Variants in VPS50 observed in about 807,000 individuals in gnomAD.
VPS50 encodes VPS50 subunit of EARP/GARPII complex.
VPS50 carries 70 observed loss-of-function variants against 139.7 expected under a neutral mutation model. That is an observed-to-expected ratio of 0.50 (90% CI 0.41 to 0.61). The LOEUF (loss-of-function observed/expected upper bound fraction) is 0.61, where lower values mean the gene tolerates loss of function less well. Ranked by LOEUF, VPS50 falls within the 20% of genes least tolerant of loss-of-function variation. The pLI, the probability that VPS50 is intolerant of heterozygous loss-of-function variation, is 0.00. For missense variants in VPS50, 921 were observed against 1,133.7 expected (o/e 0.81, Z 2.69); for synonymous variants, 365 against 376.7 (o/e 0.97, Z 0.36).
chr7:93,250,629 C>T (rs1000600758), intron 2 of VPS50, among the ~76,000 whole-genome samples: 2 of 152,110 alleles, frequency 1.3e-5, no homozygotes, highest in Admixed American at 1.3e-4. Flanking sequence ...AGGACATAGG[C>T]ATGGGCAAAG....
At chr7:93,251,408 A>G (rs1395330483) in intron 2 of VPS50, among the ~76,000 whole-genome samples, 1 of 152,098 alleles carries the variant, frequency 6.6e-6, no homozygotes, top group Non-Finnish European at 1.5e-5. Context: ...CGTCATTCAC[A>G]GCAAACTAAC....
intron 17 of VPS50, among the ~76,000 whole-genome samples, chr7:93,305,607 C>G (rs935009967): frequency 6.6e-6 from 1 of 151,808 alleles, no homozygotes; most frequent in Non-Finnish European, 1.5e-5. Context: ...GCAGATGATA[C>G]TGTTTTAAGT....
chr7:93,252,717 G>C lies in VPS50; in HGVS notation c.167G>C (p.Ser56Thr), dbSNP rs1795372427. 6.3e-7 allele frequency: 1 copy of C among 1,587,630 alleles called. No individual in the cohort carries two copies. Among genetic ancestry groups the C allele is most frequent in the East Asian group, 2.2e-5 (1 of 44,474 alleles). The change falls in exon 3 of 28, where the codon AGT (serine) becomes ACT (threonine). Residue 56 changes from serine to threonine, a missense_variant. Physicochemically the swap from Ser to Thr is moderately conservative, Grantham distance 58. Around this residue, in one of 3 missense-constraint regions of VPS50, gnomAD observed 744 missense variants for 930.6 expected, o/e 0.80. Transcript: ENST00000305866. ...CAAGCTGAACAAGAGCTTATTAATA[G>C]TATTGAACAAGTATATTTTTCTGTG... Reference protein sequence around the residue: ...DPQAEQELINSIEQVYFSVDS... With the variant: ...DPQAEQELINTIEQVYFSVDS...
intron 16 of VPS50, among the ~76,000 whole-genome samples, chr7:93,300,115 CTT>C (rs1448904678): frequency 1.3e-5 from 2 of 152,046 alleles, no homozygotes; most frequent in East Asian, 3.9e-4. Context: ...TAAAGCCAAA[CTT>C]AATGAGCTGA....
chr7:93,334,532 G>A (rs1798022850), intron 22 of VPS50, among the ~76,000 whole-genome samples: 1 of 152,196 alleles, frequency 6.6e-6, no homozygotes, highest in African/African-American at 2.4e-5. Flanking sequence ...AGAGAGAAAA[G>A]TCTTTAAATT....
intron 12 of VPS50, 22 bp downstream of exon 12, chr7:93,276,327 A>C (rs1205975019): frequency 1.9e-6 from 3 of 1,587,376 alleles, no homozygotes; most frequent in African/African-American, 1.3e-5. Flanking sequence ...CTTAATTACT[A>C]TTCATATATC....
intron 12 of VPS50, among the ~76,000 whole-genome samples, chr7:93,278,446 T>A (rs1352714687): frequency 1.4e-5 from 2 of 147,956 alleles, no homozygotes; most frequent in African/African-American, 5.0e-5. Flanking sequence ...AAAAAAAAAA[T>A]ATTAGCTGGG....
Position 93,272,667 on chromosome 7 carries a change from C to A in VPS50, c.735C>A (p.Cys245Ter). 1 of 1,571,360 alleles carries A rather than the reference C, an allele frequency of 6.4e-7. No homozygotes were observed. The highest frequency in any genetic ancestry group is 8.7e-7 in the Non-Finnish European group (1 of 1,150,896). ...EQLDVALSKI[C>*]KNFDINHYTK... ...TGGACGTAGCTCTTTCCAAAATCTGCAAGAATTTTGACATTAACCATTATA... is the reference window on the plus strand; with the variant it reads ...TGGACGTAGCTCTTTCCAAAATCTGAAAGAATTTTGACATTAACCATTATA... The change falls in exon 11 of 28, where the codon TGC becomes TGA. Residue 245 changes from cysteine to a stop codon, truncating the protein, a stop_gained. Coordinates refer to ENST00000305866, the MANE Select transcript of VPS50 (RefSeq NM_017667.4). LOFTEE classifies it high-confidence loss of function.
intron 14 of VPS50, 91 bp from the exon 15 acceptor site, chr7:93,296,651 C>A (rs1477138085): frequency 3.3e-6 from 5 of 1,511,948 alleles, no homozygotes; most frequent in Non-Finnish European, 4.4e-6. Flanking sequence ...ATTCCTGTCT[C>A]ATTTTAATCT....
rs747224082 is a variant in VPS50 at position 93,305,957 on chromosome 7, G to T, written c.1582G>T (p.Ala528Ser). Residue 528 changes from alanine to serine, a missense_variant, in exon 18 of 28, where the codon GCC becomes TCC. Physicochemically the swap from Ala to Ser is moderately conservative, Grantham distance 99. Coordinates refer to ENST00000305866, the MANE Select transcript of VPS50 (RefSeq NM_017667.4). ...CSGGNPFEIQ[A>S]NHKDEETEDV... ...TGGTGGGAATCCATTTGAAATTCAG[G>T]CCAACCACAAAGATGAAGAAACAGA... 7 of 1,612,418 alleles carry T rather than the reference G, an allele frequency of 4.3e-6. No homozygotes were observed. Among genetic ancestry groups the T allele is most frequent in the Non-Finnish European group, 3.4e-6 (4 of 1,178,764 alleles).
intron 3 of VPS50, among the ~76,000 whole-genome samples, 199 bp from the exon 4 acceptor site, chr7:93,253,661 G>T (rs777963616): frequency 6.6e-6 from 1 of 152,164 alleles, no homozygotes; most frequent in Non-Finnish European, 1.5e-5. Flanking sequence ...GAACCAGAGG[G>T]CTGTGTACTA....
intron 21 of VPS50, among the ~76,000 whole-genome samples, chr7:93,324,119 G>A (rs1231092582): frequency 1.3e-5 from 2 of 152,164 alleles, no homozygotes; most frequent in Non-Finnish European, 2.9e-5. Context: ...AGATAATGAT[G>A]TATAAGAATG....
chr7:93,313,080 T>G (rs1227583476), intron 20 of VPS50, among the ~76,000 whole-genome samples: 1 of 152,228 alleles, frequency 6.6e-6, no homozygotes, highest in African/African-American at 2.4e-5. Context: ...CATTCTAAGA[T>G]GTAGGTTGAA....
chr7:93,303,818 AT>A (rs142199940), intron 17 of VPS50, among the ~76,000 whole-genome samples: 6,517 of 151,812 alleles, frequency 0.043, 341 homozygotes, highest in African/African-American at 0.13. Context: ...TTAAAATGAT[AT>A]TTTTTGTTTG....
At chr7:93,336,679 A>G (rs1167402342) in intron 22 of VPS50, among the ~76,000 whole-genome samples, 2 of 151,946 alleles carry the variant, frequency 1.3e-5, no homozygotes, top group Non-Finnish European at 2.9e-5. Context: ...ACGCCCGGCT[A>G]GTTTTTGTAT....
intron 16 of VPS50, among the ~76,000 whole-genome samples, chr7:93,299,053 G>A (rs905729315): frequency 1.3e-5 from 2 of 152,102 alleles, no homozygotes; most frequent in Non-Finnish European, 2.9e-5. Flanking sequence ...AATTGGGGCA[G>A]GTTAAACAGC....
At chr7:93,258,122 T>TA (rs1296806788) in intron 6 of VPS50, 37 bp from the exon 7 acceptor site, 1 of 832,360 alleles carries the variant, frequency 1.2e-6, no homozygotes, top group African/African-American at 1.7e-5. Context: ...CTTATTATAA[T>TA]AAAAAACTTT....
intron 21 of VPS50, among the ~76,000 whole-genome samples, chr7:93,333,417 T>G (rs1435582247): frequency 2.0e-5 from 3 of 152,214 alleles, no homozygotes; most frequent in African/African-American, 4.8e-5. Context: ...TTTAAATTTA[T>G]TGGCTCACAG....
In VPS50 at chr7:93,256,568, A is replaced by G; in HGVS notation, c.351+6A>G. On this transcript the variant is annotated splice_donor_region_variant and intron_variant, in intron 5 of 27. Transcript: ENST00000305866. The stretch of plus-strand genomic sequence containing the variant: ...AACAGCCTGCTTATGTAAAGGTAGG[A>G]TAATATTTGTTATTTTTTGTAGTAG... 1 of 1,429,746 alleles carries G rather than the reference A, an allele frequency of 7.0e-7. No homozygotes were observed. The highest frequency in any genetic ancestry group is 9.5e-7 in the Non-Finnish European group (1 of 1,055,858). The allele number at this position is 1,429,746 out of a possible 1,614,324, so 88.6% of individuals were successfully genotyped here.
Sources: gnomAD v4.1 joint callset for allele counts (sites outside exome capture counted in the v4.1 genomes callset) on GRCh38, gnomAD v4.1.1 for gene constraint, gnomAD v4.1.1 regional missense constraint, MANE v1.5 for transcripts, NCBI Gene and HGNC (gene_info 2026-07-23, HGNC 2026-07-21) for gene names.